SYN3: variants seen among roughly 807,000 people sequenced by gnomAD.
SYN3 encodes synapsin III.
Under a neutral mutation model 65.8 loss-of-function variants are expected in SYN3, and 35 were observed. The ratio of observed to expected loss-of-function variants is 0.53; its 90% CI spans 0.41 to 0.70. The LOEUF (loss-of-function observed/expected upper bound fraction) is 0.70. Ranked by LOEUF, SYN3 falls within the 30% of genes least tolerant of loss-of-function variation. The pLI is 0.00. For missense variants in SYN3, 680 were observed against 749.0 expected (o/e 0.91, Z 1.08); for synonymous variants, 270 against 292.9 (o/e 0.92, Z 0.80).
intron 2 of SYN3, among the ~76,000 whole-genome samples, chr22:33,003,503 C>A (rs999794977): frequency 6.6e-6 from 1 of 152,110 alleles, no homozygotes; most frequent in Non-Finnish European, 1.5e-5. Flanking sequence ...TTTTTGGGAA[C>A]TGGAGTAAAG....
At chr22:32,636,388 C>T (rs1476051793) in intron 6 of SYN3, among the ~76,000 whole-genome samples, 2 of 139,950 alleles carry the variant, frequency 1.4e-5, no homozygotes, top group Non-Finnish European at 3.0e-5. Context: ...GACGACAAAG[C>T]GAGACTCCAT....
intron 4 of SYN3, among the ~76,000 whole-genome samples, chr22:32,911,615 CT>C (rs1272620228): frequency 6.6e-6 from 1 of 152,168 alleles, no homozygotes. Context: ...CACTTTATCT[CT>C]TTATGTTTCT....
In SYN3 at chr22:32,547,828, A is replaced by C. The variant is rs140421099; in HGVS notation, c.775-6115T>G. Among the ~76,000 whole-genome samples the C allele has an allele frequency of 6.6e-4, 101 of 152,294 alleles. 1 individual carries two copies. The East Asian group carries it at 0.018, about 28-fold the overall frequency. On this transcript the variant is annotated intron_variant, in intron 7 of 13. Transcript: ENST00000358763. ...GTCTGCTATTTGCTTGAATATCTCC[A>C]ATAGCAGGGAGCTTACTATCAGGCA...
At chr22:32,610,591 T>C (rs1213242766) in intron 6 of SYN3, among the ~76,000 whole-genome samples, 1 of 146,506 alleles carries the variant, frequency 6.8e-6, no homozygotes, top group Non-Finnish European at 1.5e-5. Context: ...TTTTGTTTTG[T>C]TTTGTTTTGA....
In SYN3 at chr22:32,512,777, T is replaced by G. The variant is rs1004087573; in HGVS notation, c.*915A>C. The G allele has an allele frequency of 9.2e-5, 14 of 152,234 alleles. No homozygotes were observed. Among genetic ancestry groups the G allele is most frequent in the African/African-American group, 3.1e-4 (13 of 41,456 alleles). 9.4% of individuals were successfully genotyped at this position (152,234 alleles called of 1,614,324 possible). A position where few individuals can be genotyped will look rare whatever the true frequency, so the allele number is the denominator to read the frequency against. On this transcript the variant is annotated 3_prime_UTR_variant, in exon 14 of 14. Coordinates refer to ENST00000358763, the MANE Select transcript of SYN3 (RefSeq NM_003490.4). ...CATTGCACTTCGGATCCTATGTCAT[T>G]GATCTGTTGATTCTCTCTGGTTCCC...
At chr22:32,739,376 CTTT>C (rs3070577) in intron 6 of SYN3, among the ~76,000 whole-genome samples, 10 of 138,972 alleles carry the variant, frequency 7.2e-5, no homozygotes, top group African/African-American at 1.3e-4. Context: ...TAAACCCCCC[CTTT>C]TTTTTTTTTT....
chr22:32,893,973 T>C (rs1299082882), intron 4 of SYN3, among the ~76,000 whole-genome samples: 1 of 152,190 alleles, frequency 6.6e-6, no homozygotes, highest in Non-Finnish European at 1.5e-5. Flanking sequence ...CTTGCAATGT[T>C]ATCACAGCCT....
At chr22:32,890,811 A>G (rs2049425285) in intron 4 of SYN3, among the ~76,000 whole-genome samples, 1 of 151,422 alleles carries the variant, frequency 6.6e-6, no homozygotes. Flanking sequence ...ATATATATAG[A>G]GAGAGAGAGA....
intron 3 of SYN3, among the ~76,000 whole-genome samples, chr22:32,956,761 A>C (rs1232984913): frequency 6.6e-6 from 1 of 152,186 alleles, no homozygotes; most frequent in East Asian, 1.9e-4. Context: ...ATATCTGTTC[A>C]AGTCCCTGCT....
At chr22:32,800,454 A>T (rs572522983) in intron 6 of SYN3, among the ~76,000 whole-genome samples, 1 of 152,170 alleles carries the variant, frequency 6.6e-6, no homozygotes, top group Non-Finnish European at 1.5e-5. Context: ...CCTCATCTGG[A>T]AAGTGGGAGT....
At chr22:32,676,524 CTTTCTTT>C (rs2060444530) in intron 6 of SYN3, among the ~76,000 whole-genome samples, 1 of 108,598 alleles carries the variant, frequency 9.2e-6, no homozygotes, top group African/African-American at 3.4e-5. Context: ...CTTTTCTTTT[CTTTCTTT>C]TTTTTTTTTT....
chr22:32,532,643 C>T (rs1002260370), intron 10 of SYN3, among the ~76,000 whole-genome samples: 2 of 128,022 alleles, frequency 1.6e-5, no homozygotes, highest in African/African-American at 6.5e-5. Flanking sequence ...GTGTGAACAC[C>T]CTCCTGGCAT....
chr22:32,570,121 G>A (rs4333019), intron 7 of SYN3, among the ~76,000 whole-genome samples: 37,104 of 152,026 alleles, frequency 0.24, 5,011 homozygotes, highest in Admixed American at 0.33. Context: ...TAGCTTCCGA[G>A]GTCGATTAAA....
chr22:32,622,135 C>T (rs1232193885), intron 6 of SYN3, among the ~76,000 whole-genome samples: 1 of 151,934 alleles, frequency 6.6e-6, no homozygotes, highest in East Asian at 1.9e-4. Flanking sequence ...AGTCCAGCTT[C>T]GTAAATAGCT....
At chr22:32,647,107 G>A (rs1473297781) in intron 6 of SYN3, among the ~76,000 whole-genome samples, 1 of 152,072 alleles carries the variant, frequency 6.6e-6, no homozygotes, top group Non-Finnish European at 1.5e-5. Context: ...TATGTGTCTG[G>A]GTTTTACCTC....
chr22:32,689,703 G>A (rs907322963), intron 6 of SYN3, among the ~76,000 whole-genome samples: 4 of 152,156 alleles, frequency 2.6e-5, no homozygotes, highest in Non-Finnish European at 5.9e-5. Context: ...TCACCAAGAG[G>A]GTCGAGGAGA....
intron 6 of SYN3, among the ~76,000 whole-genome samples, chr22:32,769,492 T>A (rs910033981): frequency 2.0e-5 from 3 of 149,750 alleles, no homozygotes; most frequent in African/African-American, 7.4e-5. Context: ...TGCCGGTGGC[T>A]CCTTATCTCC....
At chr22:32,667,914 C>T (rs1029592833) in intron 6 of SYN3, among the ~76,000 whole-genome samples, 1 of 151,986 alleles carries the variant, frequency 6.6e-6, no homozygotes, top group African/African-American at 2.4e-5. Context: ...TTGCCTCAGC[C>T]TCCCGAGTAG....
chr22:32,897,396 G>C (rs778797637), intron 4 of SYN3, among the ~76,000 whole-genome samples: 1 of 152,186 alleles, frequency 6.6e-6, no homozygotes, highest in Non-Finnish European at 1.5e-5. Flanking sequence ...TGGGAACTGG[G>C]TCCTTGCCTT....
Sources: gnomAD v4.1 joint callset for allele counts (sites outside exome capture counted in the v4.1 genomes callset) on GRCh38, gnomAD v4.1.1 for gene constraint, MANE v1.5 for transcripts, NCBI Gene and HGNC (gene_info 2026-07-23, HGNC 2026-07-21) for gene names.